The following HELLS variants were observed in gnomAD, a reference collection of about 807,000 sequenced individuals.
The protein encoded by HELLS is helicase, lymphoid specific, also known as lymphoid-specific helicase.
HELLS carries 32 observed loss-of-function variants against 120.0 expected under a neutral mutation model. The ratio of observed to expected loss-of-function variants is 0.27; its 90% CI spans 0.20 to 0.36. The LOEUF is 0.36. Among genes scored for constraint, HELLS ranks in the 10% least tolerant of loss-of-function variants. The pLI is 1.00. For missense variants in HELLS, 650 were observed against 993.4 expected, an observed-to-expected ratio of 0.65 and a Z score of 4.65; for synonymous variants, 341 against 323.4, an observed-to-expected ratio of 1.05 and a Z score of -0.58.
intron 2 of HELLS, 128 bp downstream of exon 2, chr10:94,546,626 A>C: frequency 9.9e-7 from 1 of 1,006,684 alleles, no homozygotes; most frequent in South Asian, 1.5e-5. Context: ...AAACAGCTTT[A>C]TTACTTGTCT....
At chr10:94,589,295 A>T (rs1471021915) in intron 13 of HELLS, among the ~76,000 whole-genome samples, 1 of 152,228 alleles carries the variant, frequency 6.6e-6, no homozygotes, top group African/African-American at 2.4e-5. Flanking sequence ...CAACTAGACT[A>T]ATCTCCAGAT....
rs775820388 is a variant in HELLS at position 94,590,784 on chromosome 10, C to G, written c.1767+8C>G. 2.1e-6 allele frequency: 3 copies of G among 1,396,642 alleles called. No individual in the cohort carries two copies. Among genetic ancestry groups the G allele is most frequent in the Non-Finnish European group, 2.9e-6 (3 of 1,024,098 alleles). The allele number at this position is 1,396,642 out of a possible 1,614,324, so 86.5% of individuals were successfully genotyped here. A position where few individuals can be genotyped will look rare whatever the true frequency, so the allele number is the denominator to read the frequency against. On this transcript the variant is annotated splice_region_variant and intron_variant, in intron 15 of 21. Coordinates refer to ENST00000348459, the MANE Select transcript of HELLS (RefSeq NM_018063.5). ...GTTACACAAGAATTTAAGGTGAATACTGTTTAATTCTAATTTACTGTTTTG... is the reference window on the plus strand; with the variant it reads ...GTTACACAAGAATTTAAGGTGAATAGTGTTTAATTCTAATTTACTGTTTTG...
At chr10:94,588,116 CATT>C in intron 12 of HELLS, 110 bp from the exon 13 acceptor site, 1 of 516,594 alleles carries the variant, frequency 1.9e-6, no homozygotes, top group Non-Finnish European at 3.3e-6. Context: ...TGAGATTTGG[CATT>C]ATTTATATAG....
chr10:94,556,770 AT>A (rs112173004), intron 3 of HELLS, among the ~76,000 whole-genome samples: 142 of 152,042 alleles, frequency 9.3e-4, no homozygotes, highest in African/African-American at 3.3e-3. Flanking sequence ...TGGGTAAAGA[AT>A]TTTTTTTCTT....
At chr10:94,584,873 A>G (rs1049858675) in intron 12 of HELLS, among the ~76,000 whole-genome samples, 4 of 152,134 alleles carry the variant, frequency 2.6e-5, no homozygotes, top group African/African-American at 9.6e-5. Context: ...ATGTTCTAGC[A>G]ATAAGAATAT....
intron 12 of HELLS, among the ~76,000 whole-genome samples, chr10:94,586,956 A>C (rs1477952559): frequency 6.6e-6 from 1 of 151,978 alleles, no homozygotes; most frequent in Non-Finnish European, 1.5e-5. Flanking sequence ...CGGCTTCCCA[A>C]ACTGCTGGGA....
At chr10:94,561,367 G>A (rs1564583275) in intron 4 of HELLS, among the ~76,000 whole-genome samples, 1 of 152,140 alleles carries the variant, frequency 6.6e-6, no homozygotes, top group Non-Finnish European at 1.5e-5. Context: ...TCTTTAACCT[G>A]TTAATTTAAT....
Position 94,594,663 on chromosome 10 carries a change from C to T in HELLS, c.2089-32C>T, listed in dbSNP as rs557228702. On this transcript the variant is annotated intron_variant, in intron 18 of 21. Coordinates refer to ENST00000348459, the MANE Select transcript of HELLS (RefSeq NM_018063.5). The stretch of plus-strand genomic sequence containing the variant: ...GTTTATGTTAATTTTAACCTAATAC[C>T]GTTAAATATTATTTTTCTTTTTAAC... 21 of 1,532,262 alleles carry T rather than the reference C, an allele frequency of 1.4e-5. No individual in the cohort carries two copies. The Middle Eastern group carries it at 1.0e-3, about 76-fold the overall frequency. 94.9% of individuals were successfully genotyped at this position (1,532,262 alleles called of 1,614,324 possible). A position where few individuals can be genotyped will look rare whatever the true frequency, so the allele number is the denominator to read the frequency against.
chr10:94,570,491 C>T (rs1272611318), intron 6 of HELLS: 1 of 152,162 alleles, frequency 6.6e-6, no homozygotes, highest in Non-Finnish European at 1.5e-5. Flanking sequence ...GTGTCAGCCA[C>T]TTACATGTCC....
intron 13 of HELLS, among the ~76,000 whole-genome samples, chr10:94,589,975 C>A (rs1046829754): frequency 9.2e-5 from 14 of 152,072 alleles, no homozygotes; most frequent in African/African-American, 3.4e-4. Flanking sequence ...GCGTGAGCCA[C>A]CGTACCCGGC....
chr10:94,578,460 G>A (rs1284291549), intron 10 of HELLS, among the ~76,000 whole-genome samples: 3 of 152,256 alleles, frequency 2.0e-5, no homozygotes, highest in Admixed American at 1.3e-4. Flanking sequence ...ACTTTGGGAA[G>A]CTTAGGCGGG....
intron 10 of HELLS, 142 bp from the exon 11 acceptor site, chr10:94,581,184 T>A (rs74150830): frequency 1.4e-5 from 7 of 517,944 alleles, no homozygotes; most frequent in Non-Finnish European, 2.3e-5. Context: ...AATGAAAACA[T>A]GATCATTTCA....
downstream of HELLS, among the ~76,000 whole-genome samples, chr10:94,606,641 C>A (rs1226581961): frequency 6.6e-6 from 1 of 152,154 alleles, no homozygotes; most frequent in Admixed American, 6.5e-5. Context: ...TGAGCCACCA[C>A]CACTAGCACT....
chr10:94,557,750 T>C (rs1589707968), intron 3 of HELLS, among the ~76,000 whole-genome samples: 1 of 152,226 alleles, frequency 6.6e-6, no homozygotes, highest in African/African-American at 2.4e-5. Context: ...GCTCTTAAGT[T>C]TTGGATTCTG....
In HELLS at chr10:94,572,286, AGTT is replaced by A. The variant is rs1844218324; in HGVS notation, c.477+861_477+863del. On this transcript the variant is annotated intron_variant, in intron 7 of 21. Coordinates refer to ENST00000348459, the MANE Select transcript of HELLS (RefSeq NM_018063.5). ...TTATAACTTACAGTCAGTAAGAAAT[AGTT>A]GTTAAGTATGGTATTTTAATGAATT... Among the ~76,000 whole-genome samples, 5 of 152,186 alleles carry A rather than the reference AGTT, an allele frequency of 3.3e-5. 1 individual carries two copies. In the South Asian group the frequency reaches 1.0e-3, roughly 31 times the overall value.
At chr10:94,599,165 T>A (rs1845901586) in intron 21 of HELLS, among the ~76,000 whole-genome samples, 1 of 152,156 alleles carries the variant, frequency 6.6e-6, no homozygotes. Context: ...TTGAAATAGT[T>A]TAGGGAGAAA....
In HELLS at chr10:94,560,823, A is replaced by G. The variant is rs113475487; in HGVS notation, c.334-1868A>G. Among the ~76,000 whole-genome samples the G allele has an allele frequency of 3.0e-3, 459 of 152,242 alleles. 1 individual carries two copies. The highest frequency in any genetic ancestry group is 0.011 in the African/African-American group (442 of 41,548). The stretch of plus-strand genomic sequence containing the variant: ...GCAATCCCAGCACTTTGGGAGGCCA[A>G]GGTGGGCCGATCATCTGAGGTCAAG... On this transcript the variant is annotated intron_variant, in intron 4 of 21. Coordinates refer to ENST00000348459, the MANE Select transcript of HELLS (RefSeq NM_018063.5).
At chr10:94,558,286 TTTTAAG>T (rs1843364970) in intron 4 of HELLS, 91 bp downstream of exon 4, 2 of 1,415,562 alleles carry the variant, frequency 1.4e-6, no homozygotes, top group Admixed American at 5.7e-5. Context: ...ATCTGTTTAA[TTTTAAG>T]TTTCTTTAGT....
chr10:94,547,146 A>C (rs1399280796), intron 2 of HELLS, among the ~76,000 whole-genome samples: 1 of 152,214 alleles, frequency 6.6e-6, no homozygotes, highest in African/African-American at 2.4e-5. Context: ...TTAACCTGAA[A>C]AATTCTTGTT....
Sources: allele counts gnomAD v4.1 joint callset (sites outside exome capture counted in the v4.1 genomes callset), GRCh38; gene constraint gnomAD v4.1.1; transcripts MANE v1.5; gene names NCBI Gene and HGNC (gene_info 2026-07-23, HGNC 2026-07-21).